Variants in OC90 observed in about 807,000 individuals in gnomAD.
The protein encoded by OC90 is otoconin-90.
In OC90, 46 loss-of-function variants were observed where a neutral mutation model predicts 47.3. The ratio of observed to expected loss-of-function variants is 0.97; its 90% confidence interval spans 0.77 to 1.24. The LOEUF is 1.24. OC90 is among the 50% of genes most tolerant of loss of function. The probability of loss-of-function intolerance (pLI) is 0.00; values close to 1 mark genes in which losing one functional copy is unlikely to be tolerated. For synonymous variants in OC90, 271 were observed against 219.5 expected, an observed-to-expected ratio of 1.23 and a Z score of -2.07; for missense variants, 688 against 583.9, an observed-to-expected ratio of 1.18 and a Z score of -1.84.
intron 13 of OC90, among the ~76,000 whole-genome samples, chr8:132,028,655 A>G (rs1261767512): frequency 1.8e-4 from 23 of 126,642 alleles, no homozygotes; most frequent in East Asian, 6.9e-4. Context: ...AGGAAGGAAG[A>G]AAGAAAGAAA....
At chr8:132,026,657 G>C (rs1329758088) in intron 13 of OC90, among the ~76,000 whole-genome samples, 1 of 152,166 alleles carries the variant, frequency 6.6e-6, no homozygotes, top group Non-Finnish European at 1.5e-5. Context: ...TACTGAAGCT[G>C]TGAATCAGTT....
At position 132,033,605 on chromosome 8, in the gene OC90, C is replaced by T. The variant is rs574221801; in HGVS notation, c.734-441G>A. On this transcript the variant is annotated intron_variant, in intron 10 of 13. Transcript: ENST00000254627. ...AAGCCCTTATTTCCTTTTTCAAGTGCAGTAACAGCTTCTCTTTATTTACAG... is the reference window on the plus strand; with the variant it reads ...AAGCCCTTATTTCCTTTTTCAAGTGTAGTAACAGCTTCTCTTTATTTACAG... 3.3e-5 allele frequency among the ~76,000 whole-genome samples: 5 copies of T among 152,320 alleles called. No individual in the cohort carries two copies. The East Asian group carries it at 5.8e-4, about 18-fold the overall frequency.
At chr8:132,042,812 T>A (rs1261882896) in intron 4 of OC90, among the ~76,000 whole-genome samples, 1 of 152,226 alleles carries the variant, frequency 6.6e-6, no homozygotes, top group Non-Finnish European at 1.5e-5. Context: ...AGACACTGGC[T>A]GGTGGGAATG....
chr8:132,033,920 G>A (rs1365006207), intron 10 of OC90, among the ~76,000 whole-genome samples: 4 of 152,184 alleles, frequency 2.6e-5, no homozygotes, highest in Admixed American at 1.3e-4. Flanking sequence ...TGGCATATTT[G>A]TGCCCGCTGG....
chr8:132,033,788 CAA>C lies in OC90; in HGVS notation c.734-626_734-625del, dbSNP rs528897058. Among the ~76,000 whole-genome samples the C allele has an allele frequency of 1.9e-3, 286 of 152,280 alleles. 1 individual carries two copies. The highest frequency in any genetic ancestry group is 6.5e-3 in the African/African-American group (272 of 41,562). The stretch of plus-strand genomic sequence containing the variant: ...CACCTGCCCTCTTAGCTGGAGGCAG[CAA>C]AGTCTCCCATGCACAGGCCAAATCT... On this transcript the variant is annotated intron_variant, in intron 10 of 13. Transcript: ENST00000254627.
intron 1 of OC90, among the ~76,000 whole-genome samples, 199 bp downstream of exon 1, chr8:132,059,142 C>A (rs886616211): frequency 4.6e-5 from 7 of 150,708 alleles, no homozygotes; most frequent in Non-Finnish European, 4.4e-5. Flanking sequence ...TCCTCCTACC[C>A]TTTCTGCCTC....
chr8:132,039,692 G>A (rs999070239), intron 6 of OC90, among the ~76,000 whole-genome samples: 3 of 152,036 alleles, frequency 2.0e-5, no homozygotes, highest in African/African-American at 7.2e-5. Flanking sequence ...CAACCCATTT[G>A]TGTCTCACTG....
intron 13 of OC90, among the ~76,000 whole-genome samples, chr8:132,028,792 G>GAAGAAGGAAAGAAAGA (rs1348962117): frequency 1.3e-5 from 1 of 76,596 alleles, no homozygotes; most frequent in Non-Finnish European, 2.6e-5. Context: ...GAGGAAGAAA[G>GAAGAAGGAAAGAAAGA]AAGAAGGAAA....
At chr8:132,040,759 A>G (rs1374834434) in intron 6 of OC90, among the ~76,000 whole-genome samples, 1 of 152,238 alleles carries the variant, frequency 6.6e-6, no homozygotes, top group Non-Finnish European at 1.5e-5. Flanking sequence ...GTAGCAAACA[A>G]TTTGCCCTTC....
At chr8:132,037,110 G>T (rs1822979612) in intron 9 of OC90, among the ~76,000 whole-genome samples, 1 of 152,248 alleles carries the variant, frequency 6.6e-6, no homozygotes, top group Non-Finnish European at 1.5e-5. Context: ...GGGGTTGTCT[G>T]TGCTGCTTTT....
At chr8:132,055,663 A>G (rs1009281439) in intron 1 of OC90, among the ~76,000 whole-genome samples, 3 of 152,244 alleles carry the variant, frequency 2.0e-5, no homozygotes, top group African/African-American at 7.2e-5. Flanking sequence ...CTTTTCCGGC[A>G]GCATCTCCCT....
At chr8:132,033,707 C>A (rs1287616741) in intron 10 of OC90, among the ~76,000 whole-genome samples, 1 of 152,224 alleles carries the variant, frequency 6.6e-6, no homozygotes, top group South Asian at 2.1e-4. Context: ...CATCACATCT[C>A]TTACCGCCTG....
intron 13 of OC90, among the ~76,000 whole-genome samples, chr8:132,028,724 G>GAAAGAAAGAAAGAAAGAAAGAA: frequency 7.8e-6 from 1 of 128,948 alleles, no homozygotes; most frequent in East Asian, 2.1e-4. Context: ...AAGAAAGAAA[G>GAAAGAAAGAAAGAAAGAAAGAA]AGAAAGAAAG....
At chr8:132,028,615 GAGGA>G (rs777710558) in intron 13 of OC90, among the ~76,000 whole-genome samples, 36 of 37,248 alleles carry the variant, frequency 9.7e-4, no homozygotes, top group African/African-American at 3.0e-3. Context: ...AGGAGGGAAG[GAGGA>G]AGGAAGGAAG....
chr8:132,049,203 C>T (rs865923436), intron 2 of OC90, among the ~76,000 whole-genome samples: 9 of 151,560 alleles, frequency 5.9e-5, no homozygotes, highest in African/African-American at 2.2e-4. Context: ...TTTCCTTCTA[C>T]CTTTACAACA....
intron 12 of OC90, among the ~76,000 whole-genome samples, chr8:132,030,057 C>T (rs1822851951): frequency 6.6e-6 from 1 of 152,182 alleles, no homozygotes; most frequent in Non-Finnish European, 1.5e-5. Context: ...GAACAATCCA[C>T]CTTGTATGCT....
Position 132,039,119 on chromosome 8 carries a change from G to T in OC90, c.462C>A (p.Ser154=), listed in dbSNP as rs1175156853. ...NCVSKKIICE[S]KDNCEHLLCT... is the part of the protein sequence containing the mutation. ...ACAGCAGGTGCTCACAGTTGTCCTTGGACTCTGCACACAGCAAGAGCATAG... is the reference window on the plus strand; with the variant it reads ...ACAGCAGGTGCTCACAGTTGTCCTTTGACTCTGCACACAGCAAGAGCATAG... The change falls in exon 7 of 14, where the codon TCC becomes TCA. Residue 154 remains serine (S), a synonymous_variant. Transcript: ENST00000254627. The T allele has an allele frequency of 6.2e-7, 1 of 1,604,942 alleles. No homozygotes were observed. The highest frequency in any genetic ancestry group is 1.7e-5 in the Admixed American group (1 of 58,440).
intron 2 of OC90, among the ~76,000 whole-genome samples, chr8:132,046,281 A>G (rs931894326): frequency 1.3e-5 from 2 of 152,074 alleles, no homozygotes; most frequent in African/African-American, 4.8e-5. Flanking sequence ...ATAATAATAG[A>G]GAATAAGGGT....
intron 2 of OC90, among the ~76,000 whole-genome samples, chr8:132,051,341 C>G (rs1487747627): frequency 3.9e-5 from 6 of 152,220 alleles, no homozygotes; most frequent in Non-Finnish European, 8.8e-5. Flanking sequence ...TATCTAACTC[C>G]TATCCAATTC....
Sources: allele counts gnomAD v4.1 joint callset (sites outside exome capture counted in the v4.1 genomes callset), GRCh38; gene constraint gnomAD v4.1.1; transcripts MANE v1.5; gene names NCBI Gene and HGNC (gene_info 2026-07-23, HGNC 2026-07-21).